The following GNG4 variants were observed in gnomAD, a reference collection of about 807,000 sequenced individuals.
The protein encoded by GNG4 is guanine nucleotide-binding protein G(I)/G(S)/G(O) subunit gamma-4.
GNG4 carries 4 observed loss-of-function variants against 5.8 expected under a neutral mutation model. The observed-to-expected ratio is 0.69, with a 90% CI of 0.34 to 1.57. The LOEUF is 1.57. Among genes scored for constraint, GNG4 ranks in the 40% most tolerant of loss-of-function variants. The pLI, the probability that GNG4 is intolerant of heterozygous loss-of-function variation, is 0.06. For missense variants in GNG4, 96 were observed against 95.1 expected (o/e 1.01, Z -0.04); for synonymous variants, 29 against 32.9 (o/e 0.88, Z 0.41).
chr1:235,570,921 T>TATACAC (rs1553365408), intron 3 of GNG4, among the ~76,000 whole-genome samples: 21 of 63,924 alleles, frequency 3.3e-4, no homozygotes, highest in African/African-American at 1.2e-3. Context: ...TACATATATA[T>TATACAC]ATACACACAC....
chr1:235,599,287 GT>G (rs1322462834), intron 1 of GNG4, among the ~76,000 whole-genome samples: 1 of 150,538 alleles, frequency 6.6e-6, no homozygotes, highest in Non-Finnish European at 1.5e-5. Context: ...AAATCTGCGG[GT>G]TTTTTTGTTG....
chr1:235,608,777 G>T (rs986119460), intron 1 of GNG4, among the ~76,000 whole-genome samples: 1 of 151,372 alleles, frequency 6.6e-6, no homozygotes, highest in East Asian at 1.9e-4. Context: ...TCCGCCTCCC[G>T]AGTTGAAGTA....
chr1:235,609,576 G>A (rs1688433737), intron 1 of GNG4, among the ~76,000 whole-genome samples: 1 of 152,030 alleles, frequency 6.6e-6, no homozygotes, highest in Admixed American at 6.6e-5. Flanking sequence ...TTTGAATTTT[G>A]TAACAATTCA....
rs925795198 is a variant in GNG4, at chr1:235,551,471, A to C, written c.*638T>G. 1.3e-5 allele frequency: 2 copies of C among 152,314 alleles called. No homozygotes were observed. The highest frequency in any genetic ancestry group is 3.9e-4 in the East Asian group (2 of 5,194). 9.4% of individuals were successfully genotyped at this position (152,314 alleles called of 1,614,324 possible). A position where few individuals can be genotyped will look rare whatever the true frequency, so the allele number is the denominator to read the frequency against. On this transcript the variant is annotated 3_prime_UTR_variant, in exon 4 of 4. Transcript: ENST00000391854. The stretch of plus-strand genomic sequence containing the variant: ...GGCAGGAGAATCGCTTGAACCCAGG[A>C]GGTGGAGGTCGCAGTGAGCTGAGGT...
At chr1:235,568,606 G>C (rs932187847) in intron 3 of GNG4, among the ~76,000 whole-genome samples, 2 of 152,152 alleles carry the variant, frequency 1.3e-5, no homozygotes, top group Non-Finnish European at 2.9e-5. Flanking sequence ...TGGTTGGGTA[G>C]AGAATTCATT....
chr1:235,629,993 TC>T (rs1211416353), intron 1 of GNG4, among the ~76,000 whole-genome samples: 1 of 152,308 alleles, frequency 6.6e-6, no homozygotes, highest in East Asian at 1.9e-4. Flanking sequence ...ATCACATTGT[TC>T]CCCTCTACTT....
At chr1:235,593,563 T>C (rs1688040998) in intron 2 of GNG4, among the ~76,000 whole-genome samples, 1 of 152,246 alleles carries the variant, frequency 6.6e-6, no homozygotes, top group African/African-American at 2.4e-5. Context: ...ACTTCAAGAA[T>C]GAAGCTGCGG....
chr1:235,552,277 C>T, intron 3 of GNG4, 40 bp from the exon 4 acceptor site: 1 of 1,605,026 alleles, frequency 6.2e-7, no homozygotes, highest in Non-Finnish European at 8.5e-7. Flanking sequence ...TTAAAGGCCC[C>T]TTTGCAGAGT....
chr1:235,618,424 C>A (rs1041152129), intron 1 of GNG4, among the ~76,000 whole-genome samples: 5 of 152,244 alleles, frequency 3.3e-5, no homozygotes, highest in Non-Finnish European at 5.9e-5. Flanking sequence ...GATCCCTTGC[C>A]TCAGAACTCT....
At chr1:235,620,360 T>C (rs1688681334) in intron 1 of GNG4, among the ~76,000 whole-genome samples, 1 of 152,004 alleles carries the variant, frequency 6.6e-6, no homozygotes, top group Non-Finnish European at 1.5e-5. Flanking sequence ...AGTGAAACTC[T>C]ATTTCAAAAA....
intron 2 of GNG4, among the ~76,000 whole-genome samples, chr1:235,592,590 C>A (rs890693942): frequency 6.6e-6 from 1 of 151,958 alleles, no homozygotes; most frequent in Non-Finnish European, 1.5e-5. Flanking sequence ...TTTTTGCCGA[C>A]CCCAACATTT....
chr1:235,553,392 C>T (rs1686805540), intron 3 of GNG4, among the ~76,000 whole-genome samples: 1 of 152,160 alleles, frequency 6.6e-6, no homozygotes, highest in Non-Finnish European at 1.5e-5. Flanking sequence ...GGATTACAGG[C>T]AGGGGTAAAT....
chr1:235,606,971 G>A, intron 1 of GNG4, among the ~76,000 whole-genome samples: 1 of 126,668 alleles, frequency 7.9e-6, no homozygotes, highest in South Asian at 2.6e-4. Flanking sequence ...TTTTGAGACA[G>A]AGTCTCACCC....
In GNG4 at chr1:235,583,789, C is replaced by T; in HGVS notation, c.50G>A (p.Arg17Lys). ...CATCTTTAGCTGCTCCACAGCTTTC[C>T]TGGCTTGGGAGATGCTAGTGGTGCT... ...NNSTTSISQA[R>K]KAVEQLKMEA... Residue 17 changes from arginine to lysine, a missense_variant, in exon 3 of 4, where the codon AGG (arginine) becomes AAG (lysine). Physicochemically the swap from Arg to Lys is conservative, Grantham distance 26 (BLOSUM62 2). Transcript: ENST00000391854. 6.2e-7 allele frequency: 1 copy of T among 1,614,048 alleles called. No homozygotes were observed. Among genetic ancestry groups the T allele is most frequent in the Non-Finnish European group, 8.5e-7 (1 of 1,179,912 alleles).
intron 2 of GNG4, among the ~76,000 whole-genome samples, chr1:235,593,699 G>T (rs905326911): frequency 5.9e-5 from 9 of 152,156 alleles, no homozygotes; most frequent in Non-Finnish European, 1.0e-4. Flanking sequence ...GCTGGCTCAG[G>T]AGTGAAGCTG....
At chr1:235,598,274 C>T in intron 1 of GNG4, among the ~76,000 whole-genome samples, 1 of 152,188 alleles carries the variant, frequency 6.6e-6, no homozygotes, top group Non-Finnish European at 1.5e-5. Context: ...CAGAGCTTCT[C>T]AGACTTTGCT....
At chr1:235,560,768 ACT>A (rs2102916817) in intron 3 of GNG4, among the ~76,000 whole-genome samples, 1 of 151,970 alleles carries the variant, frequency 6.6e-6, no homozygotes, top group East Asian at 1.9e-4. Context: ...CTCATGTTCT[ACT>A]CTTTCATTTA....
chr1:235,576,461 T>C (rs1230800502), intron 3 of GNG4, among the ~76,000 whole-genome samples: 2 of 152,222 alleles, frequency 1.3e-5, no homozygotes, highest in African/African-American at 4.8e-5. Flanking sequence ...AGAACCCATA[T>C]AGTTTCCAAA....
At chr1:235,633,500 A>T (rs1571924301) in intron 1 of GNG4, among the ~76,000 whole-genome samples, 1 of 152,238 alleles carries the variant, frequency 6.6e-6, no homozygotes, top group East Asian at 1.9e-4. Flanking sequence ...AAAAATTTTT[A>T]TTTTTGAGAC....
Sources: gnomAD v4.1 joint callset for allele counts (sites outside exome capture counted in the v4.1 genomes callset) on GRCh38, gnomAD v4.1.1 for gene constraint, MANE v1.5 for transcripts, NCBI Gene and HGNC (gene_info 2026-07-23, HGNC 2026-07-21) for gene names.